BIN2: variants seen among roughly 807,000 people sequenced by gnomAD.
BIN2 encodes the protein bridging integrator 2.
In BIN2, 43 loss-of-function variants were observed where a neutral mutation model predicts 67.9. The ratio of observed to expected loss-of-function variants is 0.63; its 90% CI spans 0.50 to 0.82. BIN2 has a LOEUF of 0.82. BIN2 is among the 40% of genes least tolerant of loss of function. The pLI is 0.00. For synonymous variants in BIN2, 244 were observed against 246.8 expected (o/e 0.99, Z 0.11); for missense variants, 581 against 671.6 (o/e 0.87, Z 1.49).
intron 12 of BIN2, 109 bp from the exon 13 acceptor site, chr12:51,281,637 A>C (rs1592243534): frequency 1.7e-6 from 2 of 1,147,434 alleles, no homozygotes; most frequent in East Asian, 4.7e-5. Flanking sequence ...ATGTAATGCC[A>C]CTGGCCTCTC....
Position 51,295,852 on chromosome 12 carries a change from C to G in BIN2, c.705G>C (p.Met235Ile), listed in dbSNP as rs1273990728. Residue 235 changes from methionine (M) to isoleucine (I), a missense_variant, in exon 9 of 13, where the codon ATG (methionine) becomes ATC (isoleucine). Transcript: ENST00000615107. ...TGGAATGTTGCTTCTCCAGTTTGCT[C>G]ATCACCTCGTAGAGATTGTGGTTCA... is the stretch of plus-strand genomic sequence containing the variant. ...SKLNHNLYEVMSKLEKQHSNK... is the reference protein window; with the variant it reads ...SKLNHNLYEVISKLEKQHSNK... The G allele has an allele frequency of 6.2e-7, 1 of 1,613,064 alleles. No homozygotes were observed. Among genetic ancestry groups the G allele is most frequent in the Non-Finnish European group, 8.5e-7 (1 of 1,179,530 alleles).
At chr12:51,319,073 A>G (rs1478262015) in intron 1 of BIN2, among the ~76,000 whole-genome samples, 1 of 152,218 alleles carries the variant, frequency 6.6e-6, no homozygotes, top group African/African-American at 2.4e-5. Context: ...TGTTAGTGGT[A>G]AGTGCAGCTC....
intron 2 of BIN2, among the ~76,000 whole-genome samples, chr12:51,307,878 C>G (rs1323395988): frequency 6.6e-6 from 1 of 152,036 alleles, no homozygotes; most frequent in South Asian, 2.1e-4. Flanking sequence ...AAAATGAATG[C>G]CTTCTGCTTT....
In BIN2 at chr12:51,299,239, T is replaced by C. The variant is rs1437987026; in HGVS notation, c.566A>G (p.Gln189Arg). The C allele has an allele frequency of 1.2e-6, 2 of 1,613,772 alleles. No homozygotes were observed. The highest frequency in any genetic ancestry group is 1.7e-6 in the Non-Finnish European group (2 of 1,179,770). Residue 189 changes from glutamine (Q) to arginine (R), a missense_variant, in exon 7 of 13, where the codon CAA (glutamine) becomes CGA (arginine). By Grantham distance (43) the Gln-to-Arg change is conservative. Transcript: ENST00000615107. ...KAQTVFEDLN[Q>R]ELLEELPILY... Reference sequence around the variant, plus strand: ...AATAGGCAGCTCCTCTAGTAGTTCTTGGTTCAGATCTTCAAACACAGTCTG... The same window carrying C: ...AATAGGCAGCTCCTCTAGTAGTTCTCGGTTCAGATCTTCAAACACAGTCTG...
intron 1 of BIN2, among the ~76,000 whole-genome samples, chr12:51,320,615 T>C (rs1282665102): frequency 1.4e-5 from 2 of 147,342 alleles, no homozygotes; most frequent in African/African-American, 2.6e-5. Context: ...CTCAGGTCAG[T>C]TATTTTATTA....
chr12:51,324,632 G>T (rs1946384111), upstream of BIN2: 2 of 1,169,656 alleles, frequency 1.7e-6, no homozygotes, highest in Non-Finnish European at 2.3e-6. Flanking sequence ...CAGAAAGCAG[G>T]CAGGACACCC....
chr12:51,307,026 T>G (rs1025639044), intron 2 of BIN2, among the ~76,000 whole-genome samples: 5 of 152,194 alleles, frequency 3.3e-5, no homozygotes, highest in Non-Finnish European at 5.9e-5. Context: ...GATGCACGCC[T>G]GTAATCCTAG....
intron 1 of BIN2, among the ~76,000 whole-genome samples, chr12:51,320,946 C>CACAG (rs1468575365): frequency 3.3e-5 from 5 of 151,360 alleles, no homozygotes; most frequent in African/African-American, 1.2e-4. Flanking sequence ...AACACACACA[C>CACAG]ACACACAAAC....
At chr12:51,306,077 C>A (rs923037760) in intron 2 of BIN2, among the ~76,000 whole-genome samples, 2 of 151,962 alleles carry the variant, frequency 1.3e-5, no homozygotes, top group African/African-American at 4.8e-5. Flanking sequence ...GCCTCGTGAT[C>A]TGCCCACCTC....
chr12:51,302,313 A>T, intron 4 of BIN2, 198 bp from the exon 5 acceptor site: 1 of 561,182 alleles, frequency 1.8e-6, no homozygotes, highest in South Asian at 2.1e-5. Flanking sequence ...GAGTCTGAAC[A>T]TACATTCAGA....
intron 1 of BIN2, among the ~76,000 whole-genome samples, chr12:51,316,511 A>G (rs1309564045): frequency 1.3e-5 from 2 of 152,106 alleles, no homozygotes; most frequent in Non-Finnish European, 2.9e-5. Flanking sequence ...AGAGAAAAAA[A>G]AAGTCCAATA....
At chr12:51,323,108 A>G (rs1000463565) in intron 1 of BIN2, 1 of 152,194 alleles carries the variant, frequency 6.6e-6, no homozygotes, top group Non-Finnish European at 1.5e-5. Context: ...GAGAGAGAGA[A>G]AAAAAGGAAA....
At chr12:51,285,764 C>T (rs1297207629) in intron 11 of BIN2, among the ~76,000 whole-genome samples, 1 of 151,830 alleles carries the variant, frequency 6.6e-6, no homozygotes, top group East Asian at 1.9e-4. Flanking sequence ...GCTGGGATTA[C>T]AGGCGCCCAC....
chr12:51,285,205 C>T (rs1162817731), intron 11 of BIN2, among the ~76,000 whole-genome samples: 3 of 152,154 alleles, frequency 2.0e-5, no homozygotes, highest in African/African-American at 7.2e-5. Flanking sequence ...TAATTCATGA[C>T]ACGCAGTTAG....
At chr12:51,293,506 G>C (rs1340746372) in intron 9 of BIN2, among the ~76,000 whole-genome samples, 1 of 152,086 alleles carries the variant, frequency 6.6e-6, no homozygotes, top group Non-Finnish European at 1.5e-5. Flanking sequence ...TAGAGATGGG[G>C]TTTCACTGTG....
chr12:51,303,530 C>A (rs1945788338), intron 2 of BIN2, among the ~76,000 whole-genome samples: 1 of 152,140 alleles, frequency 6.6e-6, no homozygotes, highest in Non-Finnish European at 1.5e-5. Context: ...TTCTCTGAAC[C>A]CTCACACAGA....
At chr12:51,293,635 T>C (rs1945453769) in intron 9 of BIN2, among the ~76,000 whole-genome samples, 1 of 152,196 alleles carries the variant, frequency 6.6e-6, no homozygotes, top group African/African-American at 2.4e-5. Flanking sequence ...AGATCGATTT[T>C]TTTAAAAAAG....
At chr12:51,297,482 G>A (rs368222919) in intron 7 of BIN2, 2 of 188,420 alleles carry the variant, frequency 1.1e-5, no homozygotes, top group African/African-American at 2.4e-5. Context: ...CAAAAGAGTC[G>A]CTTGAACCTG....
chr12:51,315,414 C>T (rs1324878642), intron 1 of BIN2, among the ~76,000 whole-genome samples: 3 of 152,144 alleles, frequency 2.0e-5, no homozygotes, highest in South Asian at 2.1e-4. Context: ...CCTCGTGATC[C>T]GCCCGCCTCG....
Sources: allele counts gnomAD v4.1 joint callset (sites outside exome capture counted in the v4.1 genomes callset), GRCh38; gene constraint gnomAD v4.1.1; transcripts MANE v1.5; gene names NCBI Gene and HGNC (gene_info 2026-07-23, HGNC 2026-07-21).